Variants in MTUS1 observed in about 807,000 individuals in gnomAD.
MTUS1 encodes the protein microtubule associated scaffold protein 1, also known as microtubule-associated tumor suppressor 1.
Under a neutral mutation model 120.8 loss-of-function variants are expected in MTUS1, and 109 were observed. The observed-to-expected ratio is 0.90, with a 90% confidence interval of 0.77 to 1.06. MTUS1 has a LOEUF of 1.06. Among genes scored for constraint, MTUS1 ranks in the 50% least tolerant of loss-of-function variants. The pLI, the probability that MTUS1 is intolerant of heterozygous loss-of-function variation, is 0.00. For synonymous variants in MTUS1, 737 were observed against 550.5 expected (o/e 1.34, Z -4.74); for missense variants, 2,210 against 1,486.3 (o/e 1.49, Z -8.01).
chr8:17,780,123 T>A (rs2050759200), intron 1 of MTUS1, among the ~76,000 whole-genome samples: 1 of 152,262 alleles, frequency 6.6e-6, no homozygotes, highest in East Asian at 1.9e-4. Context: ...CAACATCTGG[T>A]TGTTGAAACT....
chr8:17,647,846 A>T (rs143294719), intron 13 of MTUS1, among the ~76,000 whole-genome samples: 1 of 152,282 alleles, frequency 6.6e-6, no homozygotes, highest in East Asian at 1.9e-4. Flanking sequence ...TGAAGAGGCA[A>T]TATTATAGCT....
At chr8:17,695,254 T>C (rs187091082) in intron 6 of MTUS1, among the ~76,000 whole-genome samples, 3 of 152,324 alleles carry the variant, frequency 2.0e-5, no homozygotes, top group Non-Finnish European at 2.9e-5. Flanking sequence ...AAACGCTTCC[T>C]CCATCCCTGC....
chr8:17,692,931 G>A (rs1817242448), intron 6 of MTUS1, among the ~76,000 whole-genome samples: 1 of 152,160 alleles, frequency 6.6e-6, no homozygotes, highest in African/African-American at 2.4e-5. Context: ...CGATACGTAC[G>A]TACACATGTT....
At position 17,643,949 on chromosome 8, in the gene MTUS1, CTTAAGAATT is replaced by C. The variant is rs1563539531; in HGVS notation, c.*1968_*1976del. The C allele has an allele frequency of 6.6e-6, 1 of 152,202 alleles. No homozygotes were observed. Among genetic ancestry groups the C allele is most frequent in the South Asian group, 2.1e-4 (1 of 4,834 alleles). The allele number at this position is 152,202 out of a possible 1,614,324, so 9.4% of individuals were successfully genotyped here. ...ATGAAACATTTGGTTTAAACAAAAT[CTTAAGAATT>C]CTCTATTTTGTTTCCCATCTTCCCT... On this transcript the variant is annotated 3_prime_UTR_variant, in exon 15 of 15. Coordinates refer to ENST00000693296, the MANE Select transcript of MTUS1 (RefSeq NM_001363059.2).
chr8:17,783,724 G>C (rs79970439), intron 1 of MTUS1, among the ~76,000 whole-genome samples: 1,542 of 152,188 alleles, frequency 0.01, 25 homozygotes, highest in African/African-American at 0.035. Flanking sequence ...ACAATCACTG[G>C]TATCTGAAGC....
intron 2 of MTUS1, among the ~76,000 whole-genome samples, chr8:17,751,466 G>A (rs2048182411): frequency 6.6e-6 from 1 of 152,162 alleles, no homozygotes; most frequent in Non-Finnish European, 1.5e-5. Context: ...GCCTATGAGG[G>A]TCTGCCCAGA....
chr8:17,787,464 T>C (rs796469830), intron 1 of MTUS1, among the ~76,000 whole-genome samples: 11 of 152,334 alleles, frequency 7.2e-5, no homozygotes, highest in African/African-American at 2.6e-4. Context: ...GTAATCTTGA[T>C]CTATTTCCAC....
At chr8:17,701,741 G>A (rs1420151670) in intron 6 of MTUS1, among the ~76,000 whole-genome samples, 1 of 152,046 alleles carries the variant, frequency 6.6e-6, no homozygotes, top group Non-Finnish European at 1.5e-5. Flanking sequence ...AGTAGAGACA[G>A]GGTTTCACCG....
intron 6 of MTUS1, among the ~76,000 whole-genome samples, chr8:17,701,055 T>TTTG (rs1818980156): frequency 6.6e-6 from 1 of 152,186 alleles, no homozygotes; most frequent in South Asian, 2.1e-4. Flanking sequence ...TCTGTTATTG[T>TTTG]TTGTTGTTGT....
At chr8:17,741,949 A>C (rs2047349227) in intron 3 of MTUS1, among the ~76,000 whole-genome samples, 1 of 152,184 alleles carries the variant, frequency 6.6e-6, no homozygotes, top group African/African-American at 2.4e-5. Context: ...AGTGGAACTA[A>C]AACACAGGGC....
intron 2 of MTUS1, among the ~76,000 whole-genome samples, chr8:17,747,725 G>A (rs778512330): frequency 1.1e-4 from 16 of 152,154 alleles, no homozygotes; most frequent in East Asian, 1.9e-4. Flanking sequence ...GGAGACAAGC[G>A]GCTTGACTGA....
rs1198958830 is a variant in MTUS1 at position 17,769,919 on chromosome 8, CACACACACG to C, written c.-154-13967_-154-13959del. ...ACACACACACACACACACACACACA[CACACACACG>C]GGGGGGGTTGGGGGGGAAGCACTAC... On this transcript the variant is annotated intron_variant, in intron 1 of 14. Transcript: ENST00000693296. Among the ~76,000 whole-genome samples, 143 of 63,174 alleles carry C rather than the reference CACACACACG, an allele frequency of 2.3e-3. 1 individual carries two copies. Among genetic ancestry groups the C allele is most frequent in the African/African-American group, 5.0e-3 (80 of 15,882 alleles). The allele number at this position is 63,174 out of a possible 152,430, so 41.4% of individuals were successfully genotyped here. A position where few individuals can be genotyped will look rare whatever the true frequency, so the allele number is the denominator to read the frequency against.
intron 1 of MTUS1, among the ~76,000 whole-genome samples, chr8:17,764,759 T>C (rs2049331022): frequency 6.6e-6 from 1 of 152,220 alleles, no homozygotes; most frequent in Non-Finnish European, 1.5e-5. Context: ...AAAGAGGCAG[T>C]GGGCCAGACT....
At position 17,723,999 on chromosome 8, in the gene MTUS1, A is replaced by T. The variant is rs766926480; in HGVS notation, c.2288-166T>A. 1.5e-5 allele frequency: 9 copies of T among 615,072 alleles called. No individual in the cohort carries two copies. The Admixed American group carries it at 2.8e-4, about 19-fold the overall frequency. 38.1% of individuals were successfully genotyped at this position (615,072 alleles called of 1,614,324 possible). A position where few individuals can be genotyped will look rare whatever the true frequency, so the allele number is the denominator to read the frequency against. ...TGAAAGATGAAAGCTTCACGCAGACATGTTTATTTTTGATCATTTAGAGGC... is the reference window on the plus strand; with the variant it reads ...TGAAAGATGAAAGCTTCACGCAGACTTGTTTATTTTTGATCATTTAGAGGC... On this transcript the variant is annotated intron_variant, in intron 3 of 14. Transcript: ENST00000693296.
chr8:17,753,074 T>C (rs149898400), intron 2 of MTUS1, among the ~76,000 whole-genome samples: 57 of 152,348 alleles, frequency 3.7e-4, no homozygotes, highest in African/African-American at 1.3e-3. Flanking sequence ...TTTTTCACTA[T>C]ACATAAGTAA....
chr8:17,681,627 A>C (rs1218283137), intron 7 of MTUS1: 1 of 154,696 alleles, frequency 6.5e-6, no homozygotes, highest in Non-Finnish European at 1.5e-5. Flanking sequence ...TGATGGCAAA[A>C]CCGCAATTAC....
intron 1 of MTUS1, among the ~76,000 whole-genome samples, chr8:17,794,575 C>T (rs1486188800): frequency 1.3e-5 from 2 of 152,150 alleles, no homozygotes; most frequent in African/African-American, 4.8e-5. Flanking sequence ...TATCCTTCTA[C>T]CCTATCCTGA....
chr8:17,690,018 T>C (rs1299217345), intron 6 of MTUS1, among the ~76,000 whole-genome samples: 2 of 151,784 alleles, frequency 1.3e-5, no homozygotes, highest in Admixed American at 6.6e-5. Flanking sequence ...AAAACAAAAA[T>C]AGACAAATGG....
At chr8:17,773,942 T>A (rs565803917) in intron 1 of MTUS1, among the ~76,000 whole-genome samples, 15 of 152,192 alleles carry the variant, frequency 9.9e-5, no homozygotes, top group African/African-American at 3.6e-4. Flanking sequence ...AAAATAAGAC[T>A]AGGAGGCACA....
Sources: gnomAD v4.1 joint callset for allele counts (sites outside exome capture counted in the v4.1 genomes callset) on GRCh38, gnomAD v4.1.1 for gene constraint, MANE v1.5 for transcripts, NCBI Gene and HGNC (gene_info 2026-07-23, HGNC 2026-07-21) for gene names.